Variants in SLC22A24 observed in about 807,000 individuals in gnomAD.
SLC22A24 encodes the protein solute carrier family 22 member 24, also known as steroid transmembrane transporter SLC22A24.
SLC22A24 carries 53 observed loss-of-function variants against 49.8 expected under a neutral mutation model. The ratio of observed to expected loss-of-function variants is 1.06; its 90% CI spans 0.85 to 1.34. The LOEUF is 1.34. Among genes scored for constraint, SLC22A24 ranks in the 40% most tolerant of loss-of-function variants. The pLI, the probability that SLC22A24 is intolerant of heterozygous loss-of-function variation, is 0.00. For missense variants in SLC22A24, 786 were observed against 675.9 expected (o/e 1.16, Z -1.81); for synonymous variants, 302 against 256.4 (o/e 1.18, Z -1.70).
intron 1 of SLC22A24, among the ~76,000 whole-genome samples, chr11:63,140,866 G>A (rs1030560711): frequency 1.3e-5 from 2 of 152,176 alleles, no homozygotes; most frequent in Non-Finnish European, 2.9e-5. Context: ...TTTAAAGACT[G>A]TCTTAAACTA....
At chr11:63,107,968 A>G (rs1000762050) in intron 4 of SLC22A24, among the ~76,000 whole-genome samples, 5 of 150,634 alleles carry the variant, frequency 3.3e-5, no homozygotes, top group African/African-American at 7.3e-5. Context: ...TTCCAACACT[A>G]TGTTGAATAG....
chr11:63,112,565 G>T (rs975840162), intron 4 of SLC22A24, among the ~76,000 whole-genome samples: 3 of 152,006 alleles, frequency 2.0e-5, no homozygotes, highest in Non-Finnish European at 4.4e-5. Context: ...CAAAACACCA[G>T]CTTCTGGATT....
intron 8 of SLC22A24, 35 bp downstream of exon 8, chr11:63,081,523 G>C (rs6591733): frequency 0.98 from 1,394,507 of 1,419,458 alleles, 686,802 homozygotes; most frequent in Non-Finnish European, 1. Context: ...TCAGAAATTT[G>C]TGTTTTGAAA....
chr11:63,089,644 G>C (rs2087006468), intron 6 of SLC22A24, among the ~76,000 whole-genome samples: 1 of 152,000 alleles, frequency 6.6e-6, no homozygotes, highest in Non-Finnish European at 1.5e-5. Context: ...AAAGAGTCAA[G>C]ACTCATCTAA....
At position 63,081,739 on chromosome 11, in the gene SLC22A24, T is replaced by C. The variant is rs909298509; in HGVS notation, c.1286-73A>G. 5 of 1,006,980 alleles carry C rather than the reference T, an allele frequency of 5.0e-6. No individual in the cohort carries two copies. The African/African-American group carries it at 6.4e-5, about 13-fold the overall frequency. 62.4% of individuals were successfully genotyped at this position (1,006,980 alleles called of 1,614,324 possible). ...CAACCCCCAAATAATTGTAAAAAGA[T>C]TCTAATGGAGGAATTTGCAAGTGTG... On this transcript the variant is annotated intron_variant, in intron 7 of 9. Transcript: ENST00000612278.
At chr11:63,101,310 T>G (rs1306102743) in intron 5 of SLC22A24, among the ~76,000 whole-genome samples, 1 of 151,936 alleles carries the variant, frequency 6.6e-6, no homozygotes, top group Non-Finnish European at 1.5e-5. Context: ...ACTACTTGTT[T>G]TTTTTTTAAA....
chr11:63,096,538 G>T (rs1754971299), intron 5 of SLC22A24, among the ~76,000 whole-genome samples: 1 of 152,130 alleles, frequency 6.6e-6, no homozygotes, highest in Non-Finnish European at 1.5e-5. Flanking sequence ...TTTATGATTA[G>T]CTTCTGAGCA....
intron 2 of SLC22A24, among the ~76,000 whole-genome samples, chr11:63,131,206 G>C (rs762199063): frequency 6.6e-6 from 1 of 151,896 alleles, no homozygotes; most frequent in South Asian, 2.1e-4. Flanking sequence ...ATAGCACACC[G>C]ATAAAGAGTC....
At chr11:63,121,726 G>A (rs934924867) in intron 2 of SLC22A24, among the ~76,000 whole-genome samples, 3 of 151,882 alleles carry the variant, frequency 2.0e-5, no homozygotes, top group Admixed American at 2.0e-4. Flanking sequence ...CCATGCTGGT[G>A]TGCTGCACCC....
intron 2 of SLC22A24, among the ~76,000 whole-genome samples, chr11:63,121,598 T>G (rs1014893898): frequency 5.9e-5 from 9 of 152,110 alleles, no homozygotes; most frequent in African/African-American, 2.2e-4. Flanking sequence ...ATCACACATT[T>G]TTTTTTGCTT....
chr11:63,089,905 C>A lies in SLC22A24; in HGVS notation c.1070+6086G>T, dbSNP rs186879443. Among the ~76,000 whole-genome samples the A allele has an allele frequency of 2.7e-3, 411 of 151,792 alleles. 1 individual carries two copies. Among genetic ancestry groups the A allele is most frequent in the African/African-American group, 9.5e-3 (395 of 41,394 alleles). Reference sequence around the variant, plus strand: ...GACCATCCTGGCTAACACGGTGAAACCCCGTCTCTACTAAAAATACAAAAA... The same window carrying A: ...GACCATCCTGGCTAACACGGTGAAAACCCGTCTCTACTAAAAATACAAAAA... On this transcript the variant is annotated intron_variant, in intron 6 of 9. Transcript: ENST00000612278.
At chr11:63,095,646 G>C (rs1027143959) in intron 6 of SLC22A24, among the ~76,000 whole-genome samples, 1 of 152,082 alleles carries the variant, frequency 6.6e-6, no homozygotes, top group African/African-American at 2.4e-5. Flanking sequence ...TTGCAAAATT[G>C]ATCTAGACAG....
chr11:63,116,247 G>A, intron 4 of SLC22A24: 1 of 329,520 alleles, frequency 3.0e-6, no homozygotes, highest in Non-Finnish European at 5.7e-6. Context: ...ACCCTTAAGA[G>A]ATTCATATCT....
chr11:63,118,095 A>G (rs2087224405), intron 4 of SLC22A24, among the ~76,000 whole-genome samples: 1 of 152,202 alleles, frequency 6.6e-6, no homozygotes, highest in Non-Finnish European at 1.5e-5. Flanking sequence ...TCAAATAGAG[A>G]CAGCCTTCCA....
intron 1 of SLC22A24, among the ~76,000 whole-genome samples, chr11:63,136,736 G>T (rs1334236750): frequency 1.3e-5 from 2 of 152,202 alleles, no homozygotes; most frequent in East Asian, 1.9e-4. Context: ...ATCTGGGATT[G>T]CCCTTGTGGC....
At position 63,143,683 on chromosome 11, in the gene SLC22A24, G is replaced by A. The variant is rs1383485028; in HGVS notation, c.97C>T (p.Pro33Ser). ...GTGAAGTTCTCCAACACAATATTAGGGAACAGTAGGATGTTGGTGATGCAA... is the reference window on the plus strand; with the variant it reads ...GTGAAGTTCTCCAACACAATATTAGAGAACAGTAGGATGTTGGTGATGCAA... Reference protein sequence around the residue: ...FFCITNILLFPNIVLENFTAF... With the variant: ...FFCITNILLFSNIVLENFTAF... Residue 33 changes from proline (P) to serine (S), a missense_variant, in exon 1 of 10, where the codon CCT becomes TCT. Physicochemically the swap from Pro to Ser is moderately conservative, Grantham distance 74 (BLOSUM62 -1). Coordinates refer to ENST00000612278, the MANE Select transcript of SLC22A24 (RefSeq NM_001136506.2). The A allele has an allele frequency of 1.3e-6, 2 of 1,586,590 alleles. No homozygotes were observed. The highest frequency in any genetic ancestry group is 1.7e-6 in the Non-Finnish European group (2 of 1,167,620).
rs1406876450 is a variant in SLC22A24 at position 63,113,045 on chromosome 11, T to C, written c.830+5867A>G. 3.3e-3 allele frequency among the ~76,000 whole-genome samples: 22 copies of C among 6,766 alleles called. 9 individuals carry two copies. The highest frequency in any genetic ancestry group is 4.9e-3 in the African/African-American group (22 of 4,530). The allele number at this position is 6,766 out of a possible 152,430, so 4.4% of individuals were successfully genotyped here. A position where few individuals can be genotyped will look rare whatever the true frequency, so the allele number is the denominator to read the frequency against. On this transcript the variant is annotated intron_variant, in intron 4 of 9. Coordinates refer to ENST00000612278, the MANE Select transcript of SLC22A24 (RefSeq NM_001136506.2). ...AAAAAAAAAAAAAAAAATATATATA[T>C]ATATATATACATATATATATATACA...
intron 5 of SLC22A24, among the ~76,000 whole-genome samples, chr11:63,098,052 G>A (rs927188163): frequency 2.6e-5 from 4 of 152,086 alleles, no homozygotes; most frequent in African/African-American, 4.8e-5. Flanking sequence ...AAACCTGCAT[G>A]TTCTACACAT....
chr11:63,134,816 CTCTT>C, intron 1 of SLC22A24, 48 bp from the exon 2 acceptor site: 2 of 1,346,010 alleles, frequency 1.5e-6, no homozygotes, highest in Non-Finnish European at 2.1e-6. Context: ...AGAGTTTCAA[CTCTT>C]TAGTAGAAAC....
Sources: gnomAD v4.1 joint callset for allele counts (sites outside exome capture counted in the v4.1 genomes callset) on GRCh38, gnomAD v4.1.1 for gene constraint, MANE v1.5 for transcripts, NCBI Gene and HGNC (gene_info 2026-07-23, HGNC 2026-07-21) for gene names.